Variants in ACSBG2 observed in about 807,000 individuals in gnomAD.
ACSBG2 encodes the protein long-chain-fatty-acid--CoA ligase ACSBG2.
A neutral mutation model predicts 74.7 loss-of-function variants in ACSBG2; 62 were observed. That is an observed-to-expected ratio of 0.83 (90% CI 0.68 to 1.03). ACSBG2 has a LOEUF of 1.03. Ranked by LOEUF, ACSBG2 falls within the 50% of genes least tolerant of loss-of-function variation. The pLI, the probability that ACSBG2 is intolerant of heterozygous loss-of-function variation, is 0.00. For missense variants in ACSBG2, 730 were observed against 817.6 expected (o/e 0.89, Z 1.31); for synonymous variants, 309 against 294.1 (o/e 1.05, Z -0.52).
At position 6,174,819 on chromosome 19, in the gene ACSBG2, A is replaced by T. The variant is rs2090051920; in HGVS notation, c.739-2410A>T. On this transcript the variant is annotated intron_variant, in intron 7 of 14. Coordinates refer to ENST00000588485, the MANE Select transcript of ACSBG2 (RefSeq NM_030924.5). The surrounding 1 kb of genome is among the most constrained non-coding windows in gnomAD (Gnocchi z 4.2). Reference sequence around the variant, plus strand: ...CAGAGTGAGGCCCTGTCTCATCATCATCTTTACAGCAAGAAGTTAAAGGTA... The same window carrying T: ...CAGAGTGAGGCCCTGTCTCATCATCTTCTTTACAGCAAGAAGTTAAAGGTA... Among the ~76,000 whole-genome samples, 1 of 151,734 alleles carries T rather than the reference A, an allele frequency of 6.6e-6. No individual in the cohort carries two copies. Among genetic ancestry groups the T allele is most frequent in the South Asian group, 2.1e-4 (1 of 4,828 alleles).
intron 8 of ACSBG2, 40 bp downstream of exon 8, chr19:6,177,436 C>A (rs778598167): frequency 1.2e-4 from 178 of 1,537,074 alleles, no homozygotes; most frequent in Middle Eastern, 1.8e-4. Flanking sequence ...ACTTCATCCT[C>A]TTGGGCAGCC....
chr19:6,162,460 G>A (rs113936714), intron 6 of ACSBG2, among the ~76,000 whole-genome samples: 10,893 of 147,562 alleles, frequency 0.074, 715 homozygotes, highest in African/African-American at 0.18. Context: ...CCAGCTACTC[G>A]GGAGGCTGAG....
chr19:6,160,308 T>C (rs1475931942), intron 5 of ACSBG2, among the ~76,000 whole-genome samples: 4 of 147,482 alleles, frequency 2.7e-5, no homozygotes, highest in African/African-American at 1.0e-4. Context: ...GAGAATGGCA[T>C]GAACCCAGGA....
At chr19:6,178,143 C>T (rs746586358) in intron 8 of ACSBG2, among the ~76,000 whole-genome samples, 2 of 151,886 alleles carry the variant, frequency 1.3e-5, no homozygotes, top group Non-Finnish European at 1.5e-5. Context: ...CTTCCTCTCC[C>T]GTCTTCTCAT....
intron 5 of ACSBG2, among the ~76,000 whole-genome samples, chr19:6,156,964 C>G (rs918263752): frequency 2.0e-5 from 3 of 150,116 alleles, no homozygotes; most frequent in Admixed American, 6.6e-5. Flanking sequence ...TTTTTTTTTC[C>G]GAGACAGAGT....
intron 8 of ACSBG2, 122 bp from the exon 9 acceptor site, chr19:6,182,629 T>C (rs16993447): frequency 0.049 from 45,621 of 926,866 alleles, 1,985 homozygotes; most frequent in African/African-American, 0.2. Flanking sequence ...TGGTTGGGAG[T>C]CCTGCGTAAT....
intron 1 of ACSBG2, among the ~76,000 whole-genome samples, chr19:6,136,621 C>G (rs747450565): frequency 3.0e-4 from 46 of 152,228 alleles, no homozygotes; most frequent in Admixed American, 9.8e-4. Context: ...ACTCAGCCTC[C>G]CAAAGTGCTG....
chr19:6,181,987 GGTTTGCCT>G (rs2090274525), intron 8 of ACSBG2, among the ~76,000 whole-genome samples: 1 of 152,038 alleles, frequency 6.6e-6, no homozygotes, highest in Non-Finnish European at 1.5e-5. Context: ...AACGTTTCCT[GGTTTGCCT>G]GGGACTTCCC....
chr19:6,192,441 T>C (rs951932571), intron 14 of ACSBG2, among the ~76,000 whole-genome samples: 1 of 152,224 alleles, frequency 6.6e-6, no homozygotes, highest in Non-Finnish European at 1.5e-5. Context: ...TTTTTAAAAA[T>C]GTAGCTGCTA....
Position 6,174,792 on chromosome 19 carries a change from G to A in ACSBG2, c.739-2437G>A, listed in dbSNP as rs1262345834. On this transcript the variant is annotated intron_variant, in intron 7 of 14. Transcript: ENST00000588485. This position sits in a 1 kb window ranked among gnomAD's most constrained non-coding sequence, Gnocchi z 4.2. ...GCTGCCACTGCACTCCAGCCTGGGT[G>A]ACAGAGTGAGGCCCTGTCTCATCAT... is the stretch of plus-strand genomic sequence containing the variant. Among the ~76,000 whole-genome samples the A allele has an allele frequency of 6.6e-6, 1 of 152,112 alleles. No individual in the cohort carries two copies. The highest frequency in any genetic ancestry group is 2.4e-5 in the African/African-American group (1 of 41,374).
chr19:6,150,984 C>T (rs913636147), intron 3 of ACSBG2, among the ~76,000 whole-genome samples: 34 of 151,554 alleles, frequency 2.2e-4, no homozygotes, highest in African/African-American at 7.0e-4. Context: ...CGTGGTGGCG[C>T]GTGTCTGTAA....
chr19:6,177,252 G>T lies in ACSBG2; in HGVS notation c.762G>T (p.Val254=). 6.2e-7 allele frequency: 1 copy of T among 1,614,108 alleles called. No individual in the cohort carries two copies. The highest frequency in any genetic ancestry group is 1.1e-5 in the South Asian group (1 of 91,082). Residue 254 remains valine (V), a synonymous_variant, in exon 8 of 15, where the codon GTG becomes GTT. Coordinates refer to ENST00000588485, the MANE Select transcript of ACSBG2 (RefSeq NM_030924.5). The part of the protein sequence containing the change: ...HDNITWIAGA[V]TKDFKLTDKH... ...AGATCACGTGGATTGCAGGAGCAGT[G>T]ACAAAGGACTTTAAACTGACAGACA... is the stretch of plus-strand genomic sequence containing the variant.
intron 3 of ACSBG2, among the ~76,000 whole-genome samples, chr19:6,150,475 G>A (rs764719288): frequency 2.6e-5 from 4 of 152,250 alleles, no homozygotes; most frequent in East Asian, 1.9e-4. Flanking sequence ...GGATAAACAC[G>A]ATGTGGTCCG....
chr19:6,138,646 GGGAAGA>G (rs879660652), intron 1 of ACSBG2, among the ~76,000 whole-genome samples: 41,300 of 90,832 alleles, frequency 0.45, 9,606 homozygotes, highest in Admixed American at 0.51. Context: ...AGGAAGGGAA[GGGAAGA>G]AGGAAGAAAG....
chr19:6,138,544 AGG>A (rs2088673300), intron 1 of ACSBG2, among the ~76,000 whole-genome samples: 1 of 68,114 alleles, frequency 1.5e-5, no homozygotes, highest in African/African-American at 6.9e-5. Flanking sequence ...AAGGGGAGGG[AGG>A]GAGGGAGGAA....
At position 6,151,710 on chromosome 19, in the gene ACSBG2, G is replaced by C; in HGVS notation, c.301G>C (p.Gly101Arg). ...CTGTTTGCTTTTTCCTTCCCAGCTG[G>C]GTTTGGAGCGTTTCCACGGAGTTGG... ...RKAAKSLIKL[G>R]LERFHGVGIL... is the part of the protein sequence containing the mutation. Residue 101 changes from glycine (G) to arginine (R), a missense_variant, in exon 4 of 15, where the codon GGT becomes CGT. Physicochemically the swap from Gly to Arg is moderately radical, Grantham distance 125. Transcript: ENST00000588485. 1 of 1,596,144 alleles carries C rather than the reference G, an allele frequency of 6.3e-7. No individual in the cohort carries two copies. The highest frequency in any genetic ancestry group is 2.2e-5 in the East Asian group (1 of 44,682).
intron 2 of ACSBG2, among the ~76,000 whole-genome samples, chr19:6,142,532 C>T (rs907835065): frequency 2.0e-5 from 3 of 151,924 alleles, no homozygotes; most frequent in Admixed American, 6.6e-5. Flanking sequence ...ACAGGCGGAT[C>T]ACGAGGTCAG....
chr19:6,156,675 G>A, intron 5 of ACSBG2, 124 bp downstream of exon 5: 1 of 1,061,896 alleles, frequency 9.4e-7, no homozygotes, highest in Non-Finnish European at 1.3e-6. Context: ...TGTTCAGCGA[G>A]TCCTCCATGA....
chr19:6,140,384 G>C (rs1298047759), intron 1 of ACSBG2, among the ~76,000 whole-genome samples: 1 of 152,096 alleles, frequency 6.6e-6, no homozygotes, highest in Non-Finnish European at 1.5e-5. Context: ...ATGGGTTAAA[G>C]ACCATGTGAT....
Sources: gnomAD v4.1 joint callset for allele counts (sites outside exome capture counted in the v4.1 genomes callset) on GRCh38, gnomAD v4.1.1 for gene constraint, Gnocchi (gnomAD v3.1) non-coding constraint, MANE v1.5 for transcripts, NCBI Gene and HGNC (gene_info 2026-07-23, HGNC 2026-07-21) for gene names.